BBX: variants seen among roughly 807,000 people sequenced by gnomAD.
BBX encodes the protein HMG box transcription factor BBX.
In BBX, 30 loss-of-function variants were observed where a neutral mutation model predicts 100.2. The ratio of observed to expected loss-of-function variants is 0.30; its 90% CI spans 0.22 to 0.41. The LOEUF (loss-of-function observed/expected upper bound fraction) is 0.41. BBX is among the 10% of genes least tolerant of loss of function. The pLI is 1.00. For missense variants in BBX, 1,023 were observed against 1,129.8 expected (o/e 0.91, Z 1.35); for synonymous variants, 376 against 388.1 (o/e 0.97, Z 0.37).
At chr3:107,532,446 A>T (rs1244763782) in intron 2 of BBX, among the ~76,000 whole-genome samples, 1 of 152,206 alleles carries the variant, frequency 6.6e-6, no homozygotes, top group Non-Finnish European at 1.5e-5. Flanking sequence ...TAATTGTTCT[A>T]ATTGGGGTGT....
At chr3:107,697,594 C>T (rs1037951479) in intron 3 of BBX, among the ~76,000 whole-genome samples, 2 of 151,906 alleles carry the variant, frequency 1.3e-5, no homozygotes, top group Admixed American at 1.3e-4. Context: ...CCGCTGCTCT[C>T]TTCAAAGCTG....
intron 9 of BBX, among the ~76,000 whole-genome samples, chr3:107,755,380 C>T (rs1455727782): frequency 6.6e-6 from 1 of 152,132 alleles, no homozygotes; most frequent in African/African-American, 2.4e-5. Flanking sequence ...AATATTCTTA[C>T]TGTTAAACAG....
chr3:107,607,221 C>G lies in BBX; in HGVS notation c.-83-38615C>G, dbSNP rs187069955. On this transcript the variant is annotated intron_variant, in intron 2 of 17. Transcript: ENST00000325805. ...AGGCAATTCTCCTGCCTCAGCCTCC[C>G]GAGTAGCTGGGATTACAGGTGCCCA... Among the ~76,000 whole-genome samples the G allele has an allele frequency of 2.6e-5, 4 of 151,994 alleles. No homozygotes were observed. In the East Asian group the frequency reaches 7.7e-4, roughly 29 times the overall value.
At chr3:107,777,280 G>A (rs755248688) in intron 12 of BBX, among the ~76,000 whole-genome samples, 2 of 152,010 alleles carry the variant, frequency 1.3e-5, no homozygotes, top group East Asian at 3.9e-4. Flanking sequence ...CCAGTAAAGG[G>A]GTGCTTCCAT....
chr3:107,552,455 A>G (rs2049779835), intron 2 of BBX, among the ~76,000 whole-genome samples: 1 of 151,700 alleles, frequency 6.6e-6, no homozygotes, highest in Non-Finnish European at 1.5e-5. Flanking sequence ...TCAAAGGTAA[A>G]CTCTTAAATG....
intron 2 of BBX, among the ~76,000 whole-genome samples, chr3:107,581,737 A>G (rs1012613427): frequency 9.9e-5 from 15 of 152,270 alleles, no homozygotes; most frequent in Non-Finnish European, 1.8e-4. Context: ...TGAGTTACAC[A>G]TGAAGAATTT....
chr3:107,747,605 G>A (rs1248282016), intron 8 of BBX, among the ~76,000 whole-genome samples: 2 of 151,910 alleles, frequency 1.3e-5, no homozygotes, highest in African/African-American at 4.8e-5. Flanking sequence ...AGAGAGTGAG[G>A]GAGTGGCTTC....
chr3:107,565,756 C>T (rs193209959), intron 2 of BBX, among the ~76,000 whole-genome samples: 1 of 151,896 alleles, frequency 6.6e-6, no homozygotes, highest in Admixed American at 6.6e-5. Flanking sequence ...CGTGCCCAAC[C>T]TAGTTTTTTT....
At chr3:107,619,106 TGGC>T (rs1190330967) in intron 2 of BBX, among the ~76,000 whole-genome samples, 1 of 152,144 alleles carries the variant, frequency 6.6e-6, no homozygotes, top group African/African-American at 2.4e-5. Context: ...TATATTTTCT[TGGC>T]GATATGGCAC....
intron 14 of BBX, among the ~76,000 whole-genome samples, chr3:107,790,294 C>T (rs531913337): frequency 4.6e-5 from 7 of 152,080 alleles, no homozygotes; most frequent in Non-Finnish European, 8.8e-5. Flanking sequence ...TGAAAGTGCC[C>T]CCGTTTCTGT....
At chr3:107,622,699 G>C (rs1166962344) in intron 2 of BBX, among the ~76,000 whole-genome samples, 1 of 152,078 alleles carries the variant, frequency 6.6e-6, no homozygotes, top group Non-Finnish European at 1.5e-5. Context: ...TGCAAATTGA[G>C]ATTTTTAAAT....
chr3:107,583,968 ATATATTAT>A (rs1476895424), intron 2 of BBX, among the ~76,000 whole-genome samples: 13 of 56,828 alleles, frequency 2.3e-4, no homozygotes, highest in African/African-American at 6.5e-4. Context: ...TATATATTAT[ATATATTAT>A]TATATTATTA....
chr3:107,525,122 G>A (rs2047661284), intron 1 of BBX, among the ~76,000 whole-genome samples: 1 of 148,944 alleles, frequency 6.7e-6, no homozygotes, highest in Non-Finnish European at 1.5e-5. Flanking sequence ...ACTTTTGTAG[G>A]CAGCCAGCGG....
chr3:107,589,161 G>GA (rs1490287362), intron 2 of BBX, among the ~76,000 whole-genome samples: 3 of 152,138 alleles, frequency 2.0e-5, no homozygotes, highest in Admixed American at 1.3e-4. Flanking sequence ...TTTAGTGGAG[G>GA]AAAAATTAAG....
intron 3 of BBX, among the ~76,000 whole-genome samples, chr3:107,669,870 G>A (rs1043215722): frequency 2.0e-5 from 3 of 152,134 alleles, no homozygotes; most frequent in Non-Finnish European, 2.9e-5. Flanking sequence ...TCATAGCCAG[G>A]CCTGACTGCC....
intron 3 of BBX, among the ~76,000 whole-genome samples, chr3:107,673,476 G>A (rs1191677189): frequency 5.3e-5 from 8 of 151,780 alleles, no homozygotes; most frequent in Admixed American, 5.3e-4. Flanking sequence ...GTACCTACCT[G>A]CCCACCCCAA....
At chr3:107,791,527 T>C (rs1395072165) in intron 15 of BBX, among the ~76,000 whole-genome samples, 1 of 152,228 alleles carries the variant, frequency 6.6e-6, no homozygotes, top group Non-Finnish European at 1.5e-5. Context: ...GGGCGATTTG[T>C]AACCTTTGAA....
intron 12 of BBX, among the ~76,000 whole-genome samples, chr3:107,775,277 C>T (rs899288135): frequency 6.6e-6 from 1 of 152,020 alleles, no homozygotes; most frequent in African/African-American, 2.4e-5. Flanking sequence ...ATGCTTCTAT[C>T]GCCAACTTTA....
At chr3:107,662,124 T>G (rs902939755) in intron 3 of BBX, among the ~76,000 whole-genome samples, 2 of 152,220 alleles carry the variant, frequency 1.3e-5, no homozygotes, top group African/African-American at 4.8e-5. Context: ...ATTAAAAAGC[T>G]GACAGATAAT....
Sources: gnomAD v4.1 joint callset for allele counts (sites outside exome capture counted in the v4.1 genomes callset) on GRCh38, gnomAD v4.1.1 for gene constraint, MANE v1.5 for transcripts, NCBI Gene and HGNC (gene_info 2026-07-23, HGNC 2026-07-21) for gene names.